Variants in TMEM132D observed in about 807,000 individuals in gnomAD.
TMEM132D encodes the protein transmembrane protein 132D, also known as mature OL transmembrane protein.
In TMEM132D, 21 loss-of-function variants were observed where a neutral mutation model predicts 62.3. The ratio of observed to expected loss-of-function variants is 0.34; its 90% CI spans 0.24 to 0.49. The LOEUF (loss-of-function observed/expected upper bound fraction) is 0.49. TMEM132D is among the 20% of genes least tolerant of loss of function. The probability of loss-of-function intolerance (pLI) is 0.99; values close to 1 mark genes in which losing one functional copy is unlikely to be tolerated. For missense variants in TMEM132D, 1,346 were observed against 1,402.8 expected, an observed-to-expected ratio of 0.96 and a Z score of 0.65; for synonymous variants, 621 against 575.6, an observed-to-expected ratio of 1.08 and a Z score of -1.13.
At chr12:129,140,999 C>T (rs7295182) in intron 5 of TMEM132D, among the ~76,000 whole-genome samples, 107,698 of 152,016 alleles carry the variant, frequency 0.71, 38,464 homozygotes, top group Non-Finnish European at 0.76. Flanking sequence ...AGGTTTTGGT[C>T]ATTGGGAATA....
chr12:129,671,086 G>A (rs560718371), intron 2 of TMEM132D, among the ~76,000 whole-genome samples: 1 of 151,882 alleles, frequency 6.6e-6, no homozygotes, highest in South Asian at 2.1e-4. Context: ...TGGCAAGACA[G>A]GAAAAAAGCA....
In TMEM132D at chr12:129,626,083, G is replaced by A. The variant is rs1183558772; in HGVS notation, c.968+73727C>T. On this transcript the variant is annotated intron_variant, in intron 2 of 8. Transcript: ENST00000422113. ...TCCTAATAGAATTTTAATTGGTGTTGAGCTGGGAAAAAAAAAAAAGCTCCA... is the reference window on the plus strand; with the variant it reads ...TCCTAATAGAATTTTAATTGGTGTTAAGCTGGGAAAAAAAAAAAAGCTCCA... Among the ~76,000 whole-genome samples the A allele has an allele frequency of 3.3e-5, 5 of 150,090 alleles. No homozygotes were observed. In the East Asian group the frequency reaches 9.7e-4, roughly 29 times the overall value.
intron 1 of TMEM132D, among the ~76,000 whole-genome samples, chr12:129,880,687 T>C (rs761547127): frequency 1.6e-4 from 25 of 152,148 alleles, no homozygotes; most frequent in Non-Finnish European, 3.4e-4. Context: ...AATGCCTGTA[T>C]TGAACACCCT....
chr12:129,658,019 T>C (rs666673), intron 2 of TMEM132D, among the ~76,000 whole-genome samples: 36,937 of 152,154 alleles, frequency 0.24, 4,925 homozygotes, highest in African/African-American at 0.34. Context: ...TTGGGACAGA[T>C]GAGCATTGAA....
chr12:129,700,185 A>G lies in TMEM132D; in HGVS notation c.593T>C (p.Leu198Pro), dbSNP rs1351498277. The change falls in exon 2 of 9, where the codon CTC (leucine) becomes CCC (proline). Residue 198 changes from leucine to proline, a missense_variant. Transcript: ENST00000422113. ...GGGGGGGCTGAACCAGCTGGACAGG[A>G]GCTCCAGCTCGGCCACGCACAGCCC... Reference protein sequence around the residue: ...DLGLCVAELELLSSWFSPPTV... With the variant: ...DLGLCVAELEPLSSWFSPPTV... 6.2e-7 allele frequency: 1 copy of G among 1,612,702 alleles called. No homozygotes were observed. Among genetic ancestry groups the G allele is most frequent in the African/African-American group, 1.3e-5 (1 of 74,892 alleles).
chr12:129,519,322 T>C (rs1875779286), intron 3 of TMEM132D, among the ~76,000 whole-genome samples: 1 of 152,178 alleles, frequency 6.6e-6, no homozygotes, highest in Non-Finnish European at 1.5e-5. Flanking sequence ...GTCTATTGGA[T>C]TTGTAAAAGA....
chr12:129,142,833 C>T (rs139034340), intron 5 of TMEM132D, among the ~76,000 whole-genome samples: 24 of 152,172 alleles, frequency 1.6e-4, no homozygotes, highest in Non-Finnish European at 3.1e-4. Context: ...AAGATGGCTA[C>T]CAGCAGCTCT....
chr12:129,799,664 A>G (rs561023346), intron 1 of TMEM132D, among the ~76,000 whole-genome samples: 66 of 152,058 alleles, frequency 4.3e-4, no homozygotes, highest in Middle Eastern at 6.8e-3. Context: ...ACTTATTCTC[A>G]TGATCTGCCT....
At chr12:129,526,197 A>G (rs1876030641) in intron 3 of TMEM132D, among the ~76,000 whole-genome samples, 1 of 152,150 alleles carries the variant, frequency 6.6e-6, no homozygotes, top group Non-Finnish European at 1.5e-5. Flanking sequence ...TTTTTTCATC[A>G]TCCTATGGAA....
chr12:129,328,773 T>C (rs1299543438), intron 4 of TMEM132D, among the ~76,000 whole-genome samples: 1 of 152,066 alleles, frequency 6.6e-6, no homozygotes, highest in Non-Finnish European at 1.5e-5. Flanking sequence ...CTGTTTCCCG[T>C]GTGAGAGGGA....
chr12:129,853,514 G>C (rs1698576644), intron 1 of TMEM132D: 1 of 152,144 alleles, frequency 6.6e-6, no homozygotes, highest in Admixed American at 6.5e-5. Flanking sequence ...CTCTGCTTTA[G>C]TCTAAAGCTT....
chr12:129,168,969 C>T (rs573033657), intron 5 of TMEM132D, among the ~76,000 whole-genome samples: 1 of 152,322 alleles, frequency 6.6e-6, no homozygotes, highest in South Asian at 2.1e-4. Flanking sequence ...GGGACTAGAG[C>T]CCTAGCTCTT....
intron 1 of TMEM132D, among the ~76,000 whole-genome samples, chr12:129,871,979 G>A (rs931274352): frequency 6.6e-6 from 1 of 152,154 alleles, no homozygotes; most frequent in African/African-American, 2.4e-5. Flanking sequence ...GGCCTGTGTG[G>A]GTCCACACTC....
At chr12:129,427,671 G>C (rs1012356903) in intron 3 of TMEM132D, among the ~76,000 whole-genome samples, 5 of 151,818 alleles carry the variant, frequency 3.3e-5, no homozygotes, top group Non-Finnish European at 7.4e-5. Flanking sequence ...AAACTAAAGT[G>C]CACTTTAAAA....
At chr12:129,651,980 C>A (rs1407060223) in intron 2 of TMEM132D, among the ~76,000 whole-genome samples, 4 of 152,178 alleles carry the variant, frequency 2.6e-5, no homozygotes. Flanking sequence ...AGAAGGTAAC[C>A]TTTAGTCCCA....
chr12:129,202,625 T>A (rs1239778461), intron 5 of TMEM132D, among the ~76,000 whole-genome samples: 4 of 152,152 alleles, frequency 2.6e-5, no homozygotes, highest in Admixed American at 2.6e-4. Flanking sequence ...AATGTGTCTA[T>A]CCCTGAGCCA....
At chr12:129,740,522 A>G (rs1311701221) in intron 1 of TMEM132D, among the ~76,000 whole-genome samples, 1 of 152,208 alleles carries the variant, frequency 6.6e-6, no homozygotes, top group Non-Finnish European at 1.5e-5. Context: ...TGTCTATCTG[A>G]CTAGCTGTGG....
At chr12:129,365,516 A>G (rs1870378251) in intron 3 of TMEM132D, among the ~76,000 whole-genome samples, 1 of 152,168 alleles carries the variant, frequency 6.6e-6, no homozygotes, top group East Asian at 1.9e-4. Flanking sequence ...TCAACGGGGT[A>G]GCATTTTGGA....
chr12:129,826,601 C>T (rs555302392), intron 1 of TMEM132D, among the ~76,000 whole-genome samples: 4 of 152,288 alleles, frequency 2.6e-5, no homozygotes, highest in East Asian at 3.9e-4. Flanking sequence ...GGAATCCTTC[C>T]GCTGTGATAA....
Sources: gnomAD v4.1 joint callset for allele counts (sites outside exome capture counted in the v4.1 genomes callset) on GRCh38, gnomAD v4.1.1 for gene constraint, MANE v1.5 for transcripts, NCBI Gene and HGNC (gene_info 2026-07-23, HGNC 2026-07-21) for gene names.